The following NACC2 variants were observed in gnomAD, a reference collection of about 807,000 sequenced individuals.
The protein encoded by NACC2 is nucleus accumbens-associated protein 2.
In NACC2, 8 loss-of-function variants were observed where a neutral mutation model predicts 25.1. The observed-to-expected ratio is 0.32, with a 90% CI of 0.19 to 0.57. The LOEUF (loss-of-function observed/expected upper bound fraction) is 0.57. Ranked by LOEUF, NACC2 falls within the 20% of genes least tolerant of loss-of-function variation. The pLI, the probability that NACC2 is intolerant of heterozygous loss-of-function variation, is 0.89. For missense variants in NACC2, 644 were observed against 650.2 expected (o/e 0.99, Z 0.10); for synonymous variants, 435 against 294.7 (o/e 1.48, Z -4.88).
intron 2 of NACC2, among the ~76,000 whole-genome samples, chr9:136,046,228 G>A (rs1234855387): frequency 4.6e-5 from 7 of 152,090 alleles, no homozygotes; most frequent in African/African-American, 1.2e-4. Context: ...CAGGCATTTC[G>A]CAATCTCTAG....
rs1841029368 is a variant in NACC2 at position 136,062,724 on chromosome 9, G to C, written c.-59-12144C>G. The stretch of plus-strand genomic sequence containing the variant: ...GAGCCCAGCAGTTCAAGACTAGCCT[G>C]GGCAACATGGCGAAACCCCATCTCT... On this transcript the variant is annotated intron_variant, in intron 1 of 5. Coordinates refer to ENST00000277554, the MANE Select transcript of NACC2 (RefSeq NM_144653.5). Among the ~76,000 whole-genome samples, 3 of 152,174 alleles carry C rather than the reference G, an allele frequency of 2.0e-5. 1 individual carries two copies. In the South Asian group the frequency reaches 6.2e-4, roughly 32 times the overall value.
At chr9:136,089,973 T>C (rs1183218159) in intron 1 of NACC2, among the ~76,000 whole-genome samples, 2 of 146,772 alleles carry the variant, frequency 1.4e-5, no homozygotes, top group African/African-American at 5.0e-5. Flanking sequence ...CTCACCCTAA[T>C]GGATTTATAT....
At chr9:136,092,231 G>T (rs1830440709) in intron 1 of NACC2, among the ~76,000 whole-genome samples, 1 of 152,190 alleles carries the variant, frequency 6.6e-6, no homozygotes, top group Non-Finnish European at 1.5e-5. Flanking sequence ...TGGGGAGAGG[G>T]CACTTCGGGG....
At chr9:136,045,653 G>A (rs911170736) in intron 2 of NACC2, among the ~76,000 whole-genome samples, 7 of 152,248 alleles carry the variant, frequency 4.6e-5, no homozygotes, top group Admixed American at 6.5e-5. Context: ...TTCCCTCTGC[G>A]AGCTCCATTT....
intron 1 of NACC2, among the ~76,000 whole-genome samples, chr9:136,083,360 G>C (rs10776880): frequency 7.5e-6 from 1 of 133,080 alleles, no homozygotes; most frequent in Admixed American, 8.3e-5. Flanking sequence ...GGCTGGGTTG[G>C]GGGGGAGGCA....
rs1218700358 is a variant in NACC2, at chr9:136,053,657, AG to A, written c.-59-3078del. ...CTGTGCAACACAGCACAGAGGGCAG[AG>A]GCCCCTAGACAGCTCCCTTCACAGA... On this transcript the variant is annotated intron_variant, in intron 1 of 5. Coordinates refer to ENST00000277554, the MANE Select transcript of NACC2 (RefSeq NM_144653.5). Among the ~76,000 whole-genome samples the A allele has an allele frequency of 7.6e-3, 1,151 of 152,326 alleles. 7 individuals are homozygous for A. Among genetic ancestry groups the A allele is most frequent in the Non-Finnish European group, 9.7e-3 (660 of 68,024 alleles).
At chr9:136,016,948 C>T (rs1234147287) in intron 2 of NACC2, among the ~76,000 whole-genome samples, 2 of 152,060 alleles carry the variant, frequency 1.3e-5, no homozygotes, top group African/African-American at 2.4e-5. Context: ...GTACTGTGGC[C>T]CCCAACTCTT....
At chr9:136,092,457 C>T (rs1051517233) in intron 1 of NACC2, among the ~76,000 whole-genome samples, 5 of 152,190 alleles carry the variant, frequency 3.3e-5, no homozygotes, top group Non-Finnish European at 4.4e-5. Context: ...GACGGGCTAG[C>T]GCTACTTCTC....
Position 136,050,470 on chromosome 9 carries a change from C to A in NACC2, c.52G>T (p.Gly18Cys). ...EIPNFGNTVL[G>C]CLNEQRLLGL... ...AGCAGGCGCTGCTCGTTCAGGCAGC[C>A]CAGCACTGTGTTCCCGAAGTTGGGG... is the stretch of plus-strand genomic sequence containing the variant. The change falls in exon 2 of 6, where the codon GGC becomes TGC. Residue 18 changes from glycine to cysteine, a missense_variant. Physicochemically the swap from Gly to Cys is radical, Grantham distance 159. Transcript: ENST00000277554. 1 of 765,860 alleles carries A rather than the reference C, an allele frequency of 1.3e-6. No homozygotes were observed. The highest frequency in any genetic ancestry group is 2.4e-5 in the East Asian group (1 of 41,204). 47.4% of individuals were successfully genotyped at this position (765,860 alleles called of 1,614,324 possible).
chr9:136,046,595 C>A (rs10117908), intron 2 of NACC2, among the ~76,000 whole-genome samples: 1 of 152,078 alleles, frequency 6.6e-6, no homozygotes, highest in African/African-American at 2.4e-5. Flanking sequence ...TGCCTCGCTG[C>A]GGGTGGGGGG....
At chr9:136,070,604 T>C (rs1841138241) in intron 1 of NACC2, among the ~76,000 whole-genome samples, 1 of 151,036 alleles carries the variant, frequency 6.6e-6, no homozygotes, top group Admixed American at 6.6e-5. Flanking sequence ...ATAGCATTAA[T>C]GGATGTATTA....
At chr9:136,017,170 C>T (rs1299280770) in intron 2 of NACC2, among the ~76,000 whole-genome samples, 2 of 152,158 alleles carry the variant, frequency 1.3e-5, no homozygotes, top group African/African-American at 2.4e-5. Flanking sequence ...GGGCTGTTCC[C>T]GACAAACCAC....
At chr9:136,015,546 C>T (rs896095774) in intron 3 of NACC2, among the ~76,000 whole-genome samples, 2 of 152,172 alleles carry the variant, frequency 1.3e-5, no homozygotes, top group African/African-American at 4.8e-5. Flanking sequence ...GGAGGGAAGA[C>T]CCCGAGACGC....
Position 136,013,819 on chromosome 9 carries a change from C to A in NACC2, c.1157+45G>T. 6.5e-7 allele frequency: 1 copy of A among 1,533,910 alleles called. No homozygotes were observed. On this transcript the variant is annotated intron_variant, in intron 4 of 5. Transcript: ENST00000277554. This position sits in a 1 kb window ranked among gnomAD's most constrained non-coding sequence, Gnocchi z 6.6. The stretch of plus-strand genomic sequence containing the variant: ...GCTCATAGCTAAAGGAGCCAGAACC[C>A]TCCGCAGCTCCATTGTGCCCTCCAG...
chr9:136,030,061 C>G (rs7872620), intron 2 of NACC2, among the ~76,000 whole-genome samples: 76,249 of 152,018 alleles, frequency 0.5, 20,071 homozygotes, highest in African/African-American at 0.66. Flanking sequence ...TTTTAGTAGA[C>G]ATGGAGTTTC....
Position 136,011,573 on chromosome 9 carries a change from G to A in NACC2, c.1707C>T (p.Pro569=). The A allele has an allele frequency of 7.1e-7, 1 of 1,405,574 alleles. No homozygotes were observed. The highest frequency in any genetic ancestry group is 9.2e-7 in the Non-Finnish European group (1 of 1,085,708). The allele number at this position is 1,405,574 out of a possible 1,614,324, so 87.1% of individuals were successfully genotyped here. A position where few individuals can be genotyped will look rare whatever the true frequency, so the allele number is the denominator to read the frequency against. ...FEQGGGGPSR[P]QTPAAAARRP... is the part of the protein sequence containing the mutation. ...TCCGGGCCGCGGCCGCCGGCGTCTG[G>A]GGCCTGCTGGGGCCGCCCCCGCCCT... The change falls in exon 6 of 6, where the codon CCC becomes CCT. Residue 569 remains proline (P), a synonymous_variant. Coordinates refer to ENST00000277554, the MANE Select transcript of NACC2 (RefSeq NM_144653.5).
intron 2 of NACC2, 67 bp downstream of exon 2, chr9:136,049,569 C>G (rs1396767720): frequency 2.5e-5 from 18 of 706,604 alleles, no homozygotes; most frequent in Non-Finnish European, 4.4e-5. Context: ...GCCTCCTGAG[C>G]CACCCGGGTC....
At chr9:136,031,473 G>C (rs1294599969) in intron 2 of NACC2, among the ~76,000 whole-genome samples, 1 of 152,150 alleles carries the variant, frequency 6.6e-6, no homozygotes, top group African/African-American at 2.4e-5. Flanking sequence ...GAGCAGCTGG[G>C]ATTACAGGTG....
At chr9:136,083,044 T>C (rs1327039694) in intron 1 of NACC2, among the ~76,000 whole-genome samples, 1 of 152,228 alleles carries the variant, frequency 6.6e-6, no homozygotes, top group South Asian at 2.1e-4. Flanking sequence ...GCGACCAGAT[T>C]GATCTCCTGA....
Sources: allele counts gnomAD v4.1 joint callset (sites outside exome capture counted in the v4.1 genomes callset), GRCh38; gene constraint gnomAD v4.1.1; non-coding constraint Gnocchi (gnomAD v3.1); transcripts MANE v1.5; gene names NCBI Gene and HGNC (gene_info 2026-07-23, HGNC 2026-07-21).